F5: variants seen among roughly 807,000 people sequenced by gnomAD.
F5 encodes the protein coagulation factor V.
F5 carries 138 observed loss-of-function variants against 216.4 expected under a neutral mutation model. The observed-to-expected ratio is 0.64, with a 90% CI of 0.56 to 0.73. F5 has a LOEUF of 0.73. Ranked by LOEUF, F5 falls within the 30% of genes least tolerant of loss-of-function variation. F5 has a pLI of 0.00. For synonymous variants in F5, 916 were observed against 930.7 expected, an observed-to-expected ratio of 0.98 and a Z score of 0.29; for missense variants, 2,403 against 2,674.0, an observed-to-expected ratio of 0.90 and a Z score of 2.24.
chr1:169,526,819 G>C (rs1659463747), intron 17 of F5, among the ~76,000 whole-genome samples: 1 of 151,752 alleles, frequency 6.6e-6, no homozygotes, highest in Non-Finnish European at 1.5e-5. Flanking sequence ...GAGTAAATTT[G>C]ACTGAATCTC....
chr1:169,535,415 G>T (rs1036915333), intron 14 of F5, among the ~76,000 whole-genome samples: 1 of 152,104 alleles, frequency 6.6e-6, no homozygotes, highest in African/African-American at 2.4e-5. Flanking sequence ...GTTGCTTTAG[G>T]AATGCAAGTG....
At chr1:169,516,763 A>G (rs1251282929) in intron 23 of F5, among the ~76,000 whole-genome samples, 1 of 152,182 alleles carries the variant, frequency 6.6e-6, no homozygotes, top group Non-Finnish European at 1.5e-5. Flanking sequence ...TTGATTTTCA[A>G]CCTCTCTAAA....
At chr1:169,561,282 A>AT (rs201655303) in intron 3 of F5, among the ~76,000 whole-genome samples, 1 of 94,118 alleles carries the variant, frequency 1.1e-5, no homozygotes, top group East Asian at 8.1e-4. Context: ...GATTATCTCA[A>AT]TTTTTTCCCC....
intron 12 of F5, among the ~76,000 whole-genome samples, chr1:169,543,733 G>T (rs1659930272): frequency 6.6e-6 from 1 of 152,166 alleles, no homozygotes; most frequent in Admixed American, 6.5e-5. Context: ...TGAGTGCTAG[G>T]CACTTGGCGC....
rs201037597 is a variant in F5 at position 169,559,299 on chromosome 1, A to G, written c.587-3T>C. On this transcript the variant is annotated splice_region_variant and splice_polypyrimidine_tract_variant and intron_variant, in intron 4 of 24. Coordinates refer to ENST00000367797, the MANE Select transcript of F5 (RefSeq NM_000130.5). ...TGTCCCACCCTCAGTTAGGGTCCCT[A>G]TGAAAGGAAAGACATGTTTTCAGTA... 5.5e-5 allele frequency: 89 copies of G among 1,613,368 alleles called. No homozygotes were observed. In the African/African-American group the frequency reaches 9.1e-4, roughly 16 times the overall value.
Position 169,546,513 on chromosome 1 carries a change from T to C in F5, c.1691A>G (p.Asn564Ser), listed in dbSNP as rs751377893. ...NKSWYLEDNI[N>S]KFCENPDEVK... ...CTCATCAGGATTTTCACAAAACTTG[T>C]TGATGTTGTCCTCAAGGTACCAGCT... The change falls in exon 11 of 25, where the codon AAC becomes AGC. Residue 564 changes from asparagine (N) to serine (S), a missense_variant. Asn to Ser is a conservative substitution (Grantham distance 46). Coordinates refer to ENST00000367797, the MANE Select transcript of F5 (RefSeq NM_000130.5). 1 of 1,614,172 alleles carries C rather than the reference T, an allele frequency of 6.2e-7. No homozygotes were observed. The highest frequency in any genetic ancestry group is 1.7e-5 in the Admixed American group (1 of 60,024).
rs6018 is a variant in F5 at position 169,542,640 on chromosome 1, T to G, written c.2450A>C (p.Asn817Thr). ...GSPLRHLIGKNSVLNSSTAEH... is the reference protein window; with the variant it reads ...GSPLRHLIGKTSVLNSSTAEH... ...TGCTGTGGAAGAATTGAGAACTGAG[T>G]TCTTGCCAATGAGGTGTCTCAGTGG... is the stretch of plus-strand genomic sequence containing the variant. The change falls in exon 13 of 25, where the codon AAC (asparagine) becomes ACC (threonine). Residue 817 changes from asparagine (N) to threonine (T), a missense_variant. Physicochemically the swap from Asn to Thr is moderately conservative, Grantham distance 65. Around this residue, in one of 4 missense-constraint regions of F5, gnomAD observed 1,425 missense variants for 1,554.8 expected, o/e 0.92. Coordinates refer to ENST00000367797, the MANE Select transcript of F5 (RefSeq NM_000130.5). The G allele has an allele frequency of 0.061, 98,675 of 1,613,968 alleles. 3,539 individuals carry two copies. Among genetic ancestry groups the G allele is most frequent in the Admixed American group, 0.098 (5,861 of 59,986 alleles).
rs148849786 is a variant in F5, at chr1:169,568,581, G to A, written c.373+3640C>T. On this transcript the variant is annotated intron_variant, in intron 3 of 24. Coordinates refer to ENST00000367797, the MANE Select transcript of F5 (RefSeq NM_000130.5). ...CTCTAAACTGAAAAGAAGAGAAATG[G>A]ACAGGGACAACTATTGTGCTAGAGC... Among the ~76,000 whole-genome samples, 5 of 152,222 alleles carry A rather than the reference G, an allele frequency of 3.3e-5. No homozygotes were observed. In the East Asian group the frequency reaches 9.7e-4, roughly 29 times the overall value.
chr1:169,551,580 A>G (rs1380963029), intron 8 of F5, among the ~76,000 whole-genome samples: 2 of 151,916 alleles, frequency 1.3e-5, no homozygotes, highest in Non-Finnish European at 2.9e-5. Context: ...AGGCATGGAG[A>G]AAAAAAACTG....
chr1:169,584,278 C>A (rs1313243006), intron 1 of F5, among the ~76,000 whole-genome samples: 2 of 151,630 alleles, frequency 1.3e-5, no homozygotes, highest in Non-Finnish European at 2.9e-5. Flanking sequence ...GGAAAATAAT[C>A]TATCTGATTA....
Position 169,560,539 on chromosome 1 carries a change from T to TG in F5, c.586+14dup, listed in dbSNP as rs777108761. Reference sequence around the variant, plus strand: ...AACATTTAGTTGTTGAATCTTTTGGTGGGGGTGTTCTTACCTTTTTTACAG... The same window carrying TG: ...AACATTTAGTTGTTGAATCTTTTGGTGGGGGGTGTTCTTACCTTTTTTACAG... On this transcript the variant is annotated intron_variant, in intron 4 of 24. Coordinates refer to ENST00000367797, the MANE Select transcript of F5 (RefSeq NM_000130.5). The TG allele has an allele frequency of 3.1e-6, 5 of 1,611,632 alleles. 1 individual carries two copies. In the South Asian group the frequency reaches 4.4e-5, roughly 14 times the overall value.
intron 15 of F5, 34 bp from the exon 16 acceptor site, chr1:169,529,852 C>G (rs1443212580): frequency 1.3e-6 from 2 of 1,557,332 alleles, no homozygotes; most frequent in Non-Finnish European, 1.8e-6. Context: ...TTGCCTCTTT[C>G]TCAGGAATTT....
At chr1:169,585,619 G>T (rs1050765178) in intron 1 of F5, among the ~76,000 whole-genome samples, 1 of 150,828 alleles carries the variant, frequency 6.6e-6, no homozygotes, top group Non-Finnish European at 1.5e-5. Context: ...GATGAACAGA[G>T]AGAAAAAAAA....
At position 169,556,631 on chromosome 1, in the gene F5, A is replaced by C. The variant is rs766268855; in HGVS notation, c.952+15T>G. 6.2e-7 allele frequency: 1 copy of C among 1,612,104 alleles called. No homozygotes were observed. The highest frequency in any genetic ancestry group is 1.1e-5 in the South Asian group (1 of 91,040). ...TTCTGCATTGAGAAGCAAGACTGTC[A>C]GGAGAGTTTCTTGCCTTGCAAATGT... On this transcript the variant is annotated intron_variant, in intron 6 of 24. Coordinates refer to ENST00000367797, the MANE Select transcript of F5 (RefSeq NM_000130.5).
intron 7 of F5, 29 bp from the exon 8 acceptor site, chr1:169,552,763 C>T: frequency 1.3e-6 from 2 of 1,537,372 alleles, no homozygotes; most frequent in Non-Finnish European, 1.8e-6. Flanking sequence ...AAAATTAAAC[C>T]ACTTTCTCAA....
chr1:169,514,558 G>T, intron 24 of F5, 99 bp from the exon 25 acceptor site: 1 of 1,039,474 alleles, frequency 9.6e-7, no homozygotes, highest in Non-Finnish European at 1.4e-6. Context: ...TGTTGCCCAG[G>T]CTTGAGTCCA....
rs1252094360 is a variant in F5, at chr1:169,512,063, T to C, written c.*2250A>G. 6.6e-6 allele frequency among the ~76,000 whole-genome samples: 1 copy of C among 152,058 alleles called. No homozygotes were observed. Among genetic ancestry groups the C allele is most frequent in the Non-Finnish European group, 1.5e-5 (1 of 67,962 alleles). ...GATCCCCAAACAAGTATTTTCCAGA[T>C]CAATTAATAGTCATTATCAATTAAT... On this transcript the variant is annotated 3_prime_UTR_variant, in exon 25 of 25. Transcript: ENST00000367797.
At chr1:169,549,041 C>T (rs1283994055) in intron 10 of F5, among the ~76,000 whole-genome samples, 3 of 152,178 alleles carry the variant, frequency 2.0e-5, no homozygotes, top group Admixed American at 6.5e-5. Flanking sequence ...AAGCCTTATG[C>T]TTCTACTACC....
At chr1:169,560,168 A>C (rs1660436955) in intron 4 of F5, among the ~76,000 whole-genome samples, 1 of 152,184 alleles carries the variant, frequency 6.6e-6, no homozygotes, top group Non-Finnish European at 1.5e-5. Context: ...CAAACCTCAG[A>C]TATGTCAAAC....
Sources: allele counts gnomAD v4.1 joint callset (sites outside exome capture counted in the v4.1 genomes callset), GRCh38; gene constraint gnomAD v4.1.1; regional missense constraint gnomAD v4.1.1; transcripts MANE v1.5; gene names NCBI Gene and HGNC (gene_info 2026-07-23, HGNC 2026-07-21).